CDH13: variants seen among roughly 807,000 people sequenced by gnomAD.
CDH13 encodes the protein cadherin 13, also known as cadherin-13.
In CDH13, 24 loss-of-function variants were observed where a neutral mutation model predicts 63.8. The ratio of observed to expected loss-of-function variants is 0.38; its 90% confidence interval spans 0.27 to 0.53. The LOEUF (loss-of-function observed/expected upper bound fraction) is 0.53, where lower values mean the gene tolerates loss of function less well. Ranked by LOEUF, CDH13 falls within the 20% of genes least tolerant of loss-of-function variation. The pLI, the probability that CDH13 is intolerant of heterozygous loss-of-function variation, is 0.85. For synonymous variants in CDH13, 503 were observed against 355.3 expected (o/e 1.42, Z -4.67); for missense variants, 1,049 against 903.1 (o/e 1.16, Z -2.07).
In CDH13 at chr16:83,321,338, A is replaced by T. The variant is rs114770319; in HGVS notation, c.637-23524A>T. 3.0e-3 allele frequency among the ~76,000 whole-genome samples: 450 copies of T among 152,336 alleles called. 4 individuals carry two copies. The highest frequency in any genetic ancestry group is 0.01 in the African/African-American group (429 of 41,568). On this transcript the variant is annotated intron_variant, in intron 5 of 13. Transcript: ENST00000567109. ...GTGTACTTTAATGGAATTAATTAGT[A>T]TCACAGCAAGTTGATCAACTTGGAG...
intron 7 of CDH13, among the ~76,000 whole-genome samples, chr16:83,501,694 T>C (rs1407173487): frequency 6.6e-6 from 1 of 152,186 alleles, no homozygotes; most frequent in African/African-American, 2.4e-5. Context: ...AGTCACCCAC[T>C]GGAGAGCCAG....
At chr16:82,912,745 C>T (rs1239190262) in intron 2 of CDH13, among the ~76,000 whole-genome samples, 2 of 152,106 alleles carry the variant, frequency 1.3e-5, no homozygotes, top group South Asian at 2.1e-4. Context: ...AGATCGAAAC[C>T]ATCCTGGCTA....
At chr16:83,413,408 G>T (rs536617292) in intron 6 of CDH13, among the ~76,000 whole-genome samples, 1 of 152,158 alleles carries the variant, frequency 6.6e-6, no homozygotes, top group East Asian at 1.9e-4. Flanking sequence ...CTCCTCCATA[G>T]TCCATCATGA....
chr16:83,672,399 T>A (rs1914574685), intron 9 of CDH13, among the ~76,000 whole-genome samples: 1 of 140,360 alleles, frequency 7.1e-6, no homozygotes, highest in Admixed American at 7.3e-5. Context: ...GAGGCAGCTC[T>A]CTGGATTCTC....
intron 10 of CDH13, among the ~76,000 whole-genome samples, chr16:83,696,013 C>T (rs1256676769): frequency 6.6e-6 from 1 of 152,042 alleles, no homozygotes; most frequent in Non-Finnish European, 1.5e-5. Context: ...CCTCAGCCTC[C>T]TGAATAGCTG....
At chr16:83,143,326 A>T (rs999805656) in intron 4 of CDH13, among the ~76,000 whole-genome samples, 43 of 152,222 alleles carry the variant, frequency 2.8e-4, no homozygotes, top group African/African-American at 1.0e-3. Flanking sequence ...TAGAAGAAAA[A>T]ATATTTAGGA....
At chr16:83,348,306 C>G (rs1193587027) in intron 6 of CDH13, among the ~76,000 whole-genome samples, 1 of 152,214 alleles carries the variant, frequency 6.6e-6, no homozygotes, top group South Asian at 2.1e-4. Context: ...GCAGTTCTAT[C>G]AGATGAACTG....
rs867981014 is a variant in CDH13, at chr16:83,647,373, C to T, written c.1102-23417C>T. On this transcript the variant is annotated intron_variant, in intron 8 of 13. Coordinates refer to ENST00000567109, the MANE Select transcript of CDH13 (RefSeq NM_001257.5). ...CTCTTACCCTACCTGTAGGAAGTAC[C>T]GTGTTGCTCACGGGTGACCCCAGGA... Among the ~76,000 whole-genome samples, 7 of 151,820 alleles carry T rather than the reference C, an allele frequency of 4.6e-5. No homozygotes were observed. In the South Asian group the frequency reaches 6.3e-4, roughly 14 times the overall value.
chr16:82,829,132 A>T (rs1482756990), intron 1 of CDH13: 2 of 152,252 alleles, frequency 1.3e-5, no homozygotes, highest in African/African-American at 4.8e-5. Context: ...TTTCTTCATC[A>T]GAGTCAAGTC....
At chr16:82,867,549 C>G (rs980636369) in intron 2 of CDH13, among the ~76,000 whole-genome samples, 3 of 152,178 alleles carry the variant, frequency 2.0e-5, no homozygotes, top group South Asian at 2.1e-4. Flanking sequence ...GTCATGCCAC[C>G]ATGACACTGA....
chr16:83,239,312 G>A (rs1904295289), intron 5 of CDH13, among the ~76,000 whole-genome samples: 6 of 152,312 alleles, frequency 3.9e-5, no homozygotes, highest in African/African-American at 9.6e-5. Context: ...GTGATCTACC[G>A]CCTGGGCACT....
chr16:83,715,229 C>T (rs538100502), intron 10 of CDH13, among the ~76,000 whole-genome samples: 15 of 152,272 alleles, frequency 9.9e-5, no homozygotes, highest in Admixed American at 4.6e-4. Flanking sequence ...GTACATAGTG[C>T]AGAGTTACTT....
At chr16:83,135,745 C>T (rs1177499982) in intron 4 of CDH13, among the ~76,000 whole-genome samples, 1 of 152,198 alleles carries the variant, frequency 6.6e-6, no homozygotes, top group East Asian at 1.9e-4. Flanking sequence ...AGCAGCACAA[C>T]TCACAATTGC....
chr16:82,771,779 T>G (rs7201067), intron 1 of CDH13, among the ~76,000 whole-genome samples: 5 of 152,102 alleles, frequency 3.3e-5, no homozygotes, highest in African/African-American at 1.2e-4. Context: ...AAGTGGGAAC[T>G]GAGTTTGGCA....
chr16:83,202,595 A>G lies in CDH13; in HGVS notation c.484-14750A>G, dbSNP rs547654196. Among the ~76,000 whole-genome samples the G allele has an allele frequency of 3.6e-4, 55 of 152,228 alleles. No individual in the cohort carries two copies. The South Asian group carries it at 0.011, about 30-fold the overall frequency. The stretch of plus-strand genomic sequence containing the variant: ...GGAAATTTTATTTATTTTTGATACT[A>G]TTTACATTTCCAGGCATCAGTCTTC... On this transcript the variant is annotated intron_variant, in intron 4 of 13. Coordinates refer to ENST00000567109, the MANE Select transcript of CDH13 (RefSeq NM_001257.5).
intron 1 of CDH13, among the ~76,000 whole-genome samples, chr16:82,837,829 C>A (rs773214996): frequency 6.6e-6 from 1 of 152,306 alleles, no homozygotes; most frequent in Admixed American, 6.5e-5. Flanking sequence ...ATAGTTCATA[C>A]AAACATGAGG....
intron 5 of CDH13, among the ~76,000 whole-genome samples, chr16:83,267,186 G>A (rs1370877982): frequency 5.3e-5 from 8 of 152,142 alleles, no homozygotes; most frequent in Admixed American, 3.9e-4. Flanking sequence ...CAACCCAACT[G>A]TTGTAAACAA....
At chr16:83,704,214 G>A (rs538442231) in intron 10 of CDH13, among the ~76,000 whole-genome samples, 1 of 152,188 alleles carries the variant, frequency 6.6e-6, no homozygotes, top group East Asian at 1.9e-4. Flanking sequence ...GGGATAGAAA[G>A]GTGTTTTCAA....
intron 5 of CDH13, among the ~76,000 whole-genome samples, chr16:83,224,466 G>T (rs186783322): frequency 6.6e-6 from 1 of 152,192 alleles, no homozygotes; most frequent in African/African-American, 2.4e-5. Flanking sequence ...ACACCTAGGA[G>T]ACTGTGTTCT....
Sources: allele counts gnomAD v4.1 joint callset (sites outside exome capture counted in the v4.1 genomes callset), GRCh38; gene constraint gnomAD v4.1.1; transcripts MANE v1.5; gene names NCBI Gene and HGNC (gene_info 2026-07-23, HGNC 2026-07-21).